Variants in BNC2 observed in about 807,000 individuals in gnomAD.
BNC2 encodes zinc finger protein basonuclin-2.
A neutral mutation model predicts 76.3 loss-of-function variants in BNC2; 20 were observed. The observed-to-expected ratio is 0.26, with a 90% confidence interval of 0.18 to 0.38. The LOEUF (loss-of-function observed/expected upper bound fraction) is 0.38, where lower values mean the gene tolerates loss of function less well. Ranked by LOEUF, BNC2 falls within the 10% of genes least tolerant of loss-of-function variation. The pLI is 1.00. For missense variants in BNC2, 1,382 were observed against 1,399.8 expected (o/e 0.99, Z 0.20); for synonymous variants, 582 against 514.8 (o/e 1.13, Z -1.77).
intron 5 of BNC2, among the ~76,000 whole-genome samples, chr9:16,488,852 A>C (rs1822217449): frequency 6.6e-6 from 1 of 152,166 alleles, no homozygotes; most frequent in Admixed American, 6.5e-5. Flanking sequence ...AACCCAAAAA[A>C]CTGATTAGTA....
At chr9:16,506,511 C>CTTTTTTTT (rs1563814965) in intron 5 of BNC2, among the ~76,000 whole-genome samples, 15 of 81,448 alleles carry the variant, frequency 1.8e-4, no homozygotes, top group African/African-American at 8.3e-4. Flanking sequence ...TCTCTCTCTC[C>CTTTTTTTT]TCTTTTTTTT....
At position 16,498,251 on chromosome 9, in the gene BNC2, A is replaced by G. The variant is rs919247100; in HGVS notation, c.669+54279T>C. Among the ~76,000 whole-genome samples the G allele has an allele frequency of 2.2e-5, 3 of 136,248 alleles. No homozygotes were observed. In the Admixed American group the frequency reaches 2.3e-4, roughly 10 times the overall value. 89.4% of individuals were successfully genotyped at this position (136,248 alleles called of 152,430 possible). ...TATATATATTCCATCATATATATAT[A>G]TATTCCATCATATATATATTCCATC... is the stretch of plus-strand genomic sequence containing the variant. On this transcript the variant is annotated intron_variant, in intron 5 of 6. Coordinates refer to ENST00000380672, the MANE Select transcript of BNC2 (RefSeq NM_017637.6).
At chr9:16,537,209 G>C (rs927952519) in intron 5 of BNC2, among the ~76,000 whole-genome samples, 9 of 152,160 alleles carry the variant, frequency 5.9e-5, no homozygotes, top group African/African-American at 2.2e-4. Flanking sequence ...TTAATTTTCT[G>C]AATGTCATTT....
chr9:16,713,445 CTTT>C (rs34090221), intron 3 of BNC2, among the ~76,000 whole-genome samples: 77,603 of 128,126 alleles, frequency 0.61, 26,528 homozygotes, highest in Non-Finnish European at 0.79. Context: ...GGAAAAGGCA[CTTT>C]TTTTTTTTTT....
At chr9:16,672,870 A>G (rs961378360) in intron 3 of BNC2, among the ~76,000 whole-genome samples, 4 of 152,204 alleles carry the variant, frequency 2.6e-5, no homozygotes, top group African/African-American at 9.7e-5. Flanking sequence ...TAACTTTCCA[A>G]AAACAAAGTT....
chr9:16,795,271 C>T (rs1436248800), intron 1 of BNC2, among the ~76,000 whole-genome samples: 3 of 152,004 alleles, frequency 2.0e-5, no homozygotes, highest in African/African-American at 4.8e-5. Flanking sequence ...GATAGTAAGG[C>T]GAACTCCACA....
At chr9:16,519,222 CA>C (rs1284536745) in intron 5 of BNC2, among the ~76,000 whole-genome samples, 1 of 152,118 alleles carries the variant, frequency 6.6e-6, no homozygotes, top group Non-Finnish European at 1.5e-5. Flanking sequence ...CAGTGCATTC[CA>C]TTAGCAATAG....
chr9:16,591,394 A>G (rs1819925332), intron 3 of BNC2, among the ~76,000 whole-genome samples: 1 of 152,230 alleles, frequency 6.6e-6, no homozygotes, highest in Non-Finnish European at 1.5e-5. Flanking sequence ...TGAGTCAGAA[A>G]GATACAGAAC....
chr9:16,803,367 T>A lies in BNC2; in HGVS notation c.4-64882A>T, dbSNP rs149675796. 3.0e-4 allele frequency among the ~76,000 whole-genome samples: 45 copies of A among 152,322 alleles called. 3 individuals carry two copies. Among genetic ancestry groups the A allele is most frequent in the African/African-American group, 1.1e-3 (45 of 41,570 alleles). ...ACAGCTAATTTATAATACGTACCTCTGCCCCAAAAAGAGCAAAGTTAATGA... is the reference window on the plus strand; with the variant it reads ...ACAGCTAATTTATAATACGTACCTCAGCCCCAAAAAGAGCAAAGTTAATGA... On this transcript the variant is annotated intron_variant, in intron 1 of 6. Transcript: ENST00000380672.
At chr9:16,661,185 T>C (rs2134058472) in intron 3 of BNC2, among the ~76,000 whole-genome samples, 1 of 152,314 alleles carries the variant, frequency 6.6e-6, no homozygotes, top group African/African-American at 2.4e-5. Context: ...GTGTGAGCCC[T>C]TACCTCATTC....
chr9:16,849,118 A>C (rs1819063325), intron 1 of BNC2, among the ~76,000 whole-genome samples: 1 of 152,072 alleles, frequency 6.6e-6, no homozygotes, highest in Non-Finnish European at 1.5e-5. Context: ...TAAATGAGAA[A>C]ATTCCAGAGT....
intron 1 of BNC2, among the ~76,000 whole-genome samples, chr9:16,757,065 C>T (rs549318818): frequency 1.5e-5 from 1 of 68,596 alleles, no homozygotes; most frequent in East Asian, 5.6e-4. Context: ...CTTTCCAACA[C>T]TAGTAATTAC....
chr9:16,725,708 C>T (rs1303885496), intron 3 of BNC2, among the ~76,000 whole-genome samples: 1 of 137,604 alleles, frequency 7.3e-6, no homozygotes, highest in Non-Finnish European at 1.5e-5. Context: ...CAGGTACACA[C>T]AAAATATCCA....
chr9:16,523,096 T>G (rs1587129921), intron 5 of BNC2, among the ~76,000 whole-genome samples: 1 of 152,134 alleles, frequency 6.6e-6, no homozygotes, highest in African/African-American at 2.4e-5. Context: ...GGTATCGAGT[T>G]TCAGTGTCTA....
At chr9:16,648,393 C>T (rs1256031798) in intron 3 of BNC2, among the ~76,000 whole-genome samples, 1 of 152,158 alleles carries the variant, frequency 6.6e-6, no homozygotes, top group African/African-American at 2.4e-5. Flanking sequence ...ATAAGGACTG[C>T]ATGGTGATAG....
chr9:16,455,207 T>C (rs913485274), intron 5 of BNC2, among the ~76,000 whole-genome samples: 6 of 152,124 alleles, frequency 3.9e-5, no homozygotes, highest in African/African-American at 1.4e-4. Context: ...ACCAAAACAA[T>C]ATGTAGTTGA....
intron 1 of BNC2, among the ~76,000 whole-genome samples, chr9:16,786,750 T>G (rs1826305238): frequency 6.6e-6 from 1 of 152,076 alleles, no homozygotes; most frequent in Admixed American, 6.5e-5. Context: ...AGGATGACTG[T>G]GATACAGGTG....
chr9:16,625,339 A>G (rs1820964258), intron 3 of BNC2, among the ~76,000 whole-genome samples: 1 of 152,180 alleles, frequency 6.6e-6, no homozygotes, highest in South Asian at 2.1e-4. Flanking sequence ...GATGACAAAG[A>G]AAAACTCCCA....
At chr9:16,780,689 G>A (rs1338715605) in intron 1 of BNC2, among the ~76,000 whole-genome samples, 3 of 152,120 alleles carry the variant, frequency 2.0e-5, no homozygotes, top group African/African-American at 7.2e-5. Flanking sequence ...GTACTGGACA[G>A]TAAGGCAAAC....
Sources: gnomAD v4.1 joint callset for allele counts (sites outside exome capture counted in the v4.1 genomes callset) on GRCh38, gnomAD v4.1.1 for gene constraint, MANE v1.5 for transcripts, NCBI Gene and HGNC (gene_info 2026-07-23, HGNC 2026-07-21) for gene names.